ZNF177: variants seen among roughly 807,000 people sequenced by gnomAD.
The protein encoded by ZNF177 is zinc finger protein 177.
A neutral mutation model predicts 19.4 loss-of-function variants in ZNF177; 17 were observed. The ratio of observed to expected loss-of-function variants is 0.87; its 90% CI spans 0.60 to 1.31. ZNF177 has a LOEUF of 1.31. Ranked by LOEUF, ZNF177 falls within the 40% of genes most tolerant of loss-of-function variation. The probability of loss-of-function intolerance (pLI) is 0.00; values close to 1 mark genes in which losing one functional copy is unlikely to be tolerated. For synonymous variants in ZNF177, 220 were observed against 188.7 expected, an observed-to-expected ratio of 1.17 and a Z score of -1.36; for missense variants, 633 against 561.8, an observed-to-expected ratio of 1.13 and a Z score of -1.28.
At chr19:9,382,389 T>C, downstream of ZNF177, 2 of 398,810 alleles carry the variant, frequency 5.0e-6, no homozygotes, top group Non-Finnish European at 8.8e-6. Context: ...TCCTAGAAAA[T>C]ATATACACCA....
chr19:9,363,629 T>C (rs2067937165), intron 1 of ZNF177, among the ~76,000 whole-genome samples: 1 of 152,218 alleles, frequency 6.6e-6, no homozygotes, highest in African/African-American at 2.4e-5. Context: ...AAAGCATAAA[T>C]GAATGTGTAA....
At chr19:9,382,505 G>GA, downstream of ZNF177, 2 of 398,348 alleles carry the variant, frequency 5.0e-6, no homozygotes, top group Non-Finnish European at 8.9e-6. Context: ...TGTTACATGA[G>GA]AAAAATTAAC....
chr19:9,364,236 C>A (rs2067946383), intron 1 of ZNF177, among the ~76,000 whole-genome samples: 1 of 152,174 alleles, frequency 6.6e-6, no homozygotes. Context: ...CAACACTCTT[C>A]ATTTAAGAAT....
intron 3 of ZNF177, 31 bp downstream of exon 5, chr19:9,379,119 A>G: frequency 6.3e-7 from 1 of 1,575,864 alleles, no homozygotes; most frequent in Non-Finnish European, 8.6e-7. Flanking sequence ...TCATTTGTTT[A>G]TGTAGCAAAT....
intron 2 of ZNF177, among the ~76,000 whole-genome samples, chr19:9,368,518 G>A (rs1427055021): frequency 6.6e-6 from 1 of 152,106 alleles, no homozygotes; most frequent in East Asian, 1.9e-4. Context: ...CAAAGAACCA[G>A]TTTGTAGCTT....
rs1019610130 is a variant in ZNF177 at position 9,363,190 on chromosome 19, T to G, written c.-392+106T>G. ...TTGCCTGCAGCTTCCCGCCCCAGCC[T>G]CCGGCTATCGCGGCGTTTCTTCTCA... On this transcript the variant is annotated intron_variant, in intron 1 of 8. Coordinates refer to the ZNF177 transcript ENST00000343499. The G allele has an allele frequency of 2.6e-5, 4 of 152,324 alleles. 1 individual carries two copies. The highest frequency in any genetic ancestry group is 5.9e-5 in the Non-Finnish European group (4 of 68,138). The allele number at this position is 152,324 out of a possible 1,614,324, so 9.4% of individuals were successfully genotyped here. A position where few individuals can be genotyped will look rare whatever the true frequency, so the allele number is the denominator to read the frequency against.
exon 6 of ZNF177, chr19:9,381,214 TTTCAGTCTTCCC>T: frequency 6.2e-7 from 1 of 1,612,590 alleles, no homozygotes; most frequent in African/African-American, 1.3e-5. Context: ...AGCCTTCATT[TTTCAGTCTTCCC>T]TTAAGAAACA....
Position 9,380,149 on chromosome 19 carries a change from A to C in ZNF177, c.336+10A>C. The C allele has an allele frequency of 1.9e-6, 3 of 1,599,214 alleles. No homozygotes were observed. The highest frequency in any genetic ancestry group is 4.5e-5 in the East Asian group (2 of 44,328). On this transcript the variant is annotated intron_variant, in intron 5 of 5. Transcript: ENST00000589262. ...CAATGGCATAAACACGGTAAGACTT[A>C]CTAGGAAGTATTCCTGGTCTTTGTA...
chr19:9,375,347 C>T (rs1220302404), upstream of ZNF177, among the ~76,000 whole-genome samples: 6 of 152,144 alleles, frequency 3.9e-5, no homozygotes, highest in Middle Eastern at 3.2e-3. Flanking sequence ...ATGCTGACCT[C>T]ATAAAATGAG....
chr19:9,367,049 G>C (rs1300836478), intron 2 of ZNF177, among the ~76,000 whole-genome samples: 1 of 152,218 alleles, frequency 6.6e-6, no homozygotes, highest in Non-Finnish European at 1.5e-5. Context: ...GGCTGGGCGT[G>C]GTGGCTCACG....
In ZNF177 at chr19:9,364,493, C is replaced by CT. The variant is rs548204947; in HGVS notation, c.-391-364dup. On this transcript the variant is annotated intron_variant, in intron 1 of 8. Transcript: ENST00000343499. The stretch of plus-strand genomic sequence containing the variant: ...TGACAAGGGAATTAGTGGAATAACT[C>CT]TTTTTGTCGTGTCGGTGTCATGAGG... 3.9e-3 allele frequency among the ~76,000 whole-genome samples: 600 copies of CT among 152,168 alleles called. 5 individuals carry two copies. Among genetic ancestry groups the CT allele is most frequent in the African/African-American group, 0.014 (567 of 41,510 alleles).
chr19:9,378,724 C>A (rs573451835), intron 2 of ZNF177: 1 of 614,966 alleles, frequency 1.6e-6, no homozygotes, highest in Non-Finnish European at 2.5e-6. Context: ...TCAAGCCAAC[C>A]ATATTTTAGA....
At chr19:9,369,500 G>C (rs1049891044) in intron 2 of ZNF177, among the ~76,000 whole-genome samples, 2 of 152,006 alleles carry the variant, frequency 1.3e-5, no homozygotes, top group Non-Finnish European at 2.9e-5. Flanking sequence ...GGATTTTAGT[G>C]CATCTAATGA....
At chr19:9,379,708 G>A (rs1207859038) in intron 4 of ZNF177, 89 bp downstream of exon 6, 2 of 1,439,320 alleles carry the variant, frequency 1.4e-6, no homozygotes, top group East Asian at 2.4e-5. Context: ...AGAAATCTGA[G>A]GCCATGACAT....
At chr19:9,368,539 G>A (rs1229151061) in intron 2 of ZNF177, among the ~76,000 whole-genome samples, 1 of 152,042 alleles carries the variant, frequency 6.6e-6, no homozygotes, top group Admixed American at 6.5e-5. Flanking sequence ...GAGTGATACT[G>A]TTGTTTTCTA....
At chr19:9,371,220 C>T (rs187288997) in intron 2 of ZNF177, among the ~76,000 whole-genome samples, 44 of 152,258 alleles carry the variant, frequency 2.9e-4, no homozygotes, top group African/African-American at 1.1e-3. Context: ...TGATTGGCTA[C>T]AGAATATCTT....
At chr19:9,381,134 C>G in exon 6 of ZNF177, 1 of 1,614,090 alleles carries the variant, frequency 6.2e-7, no homozygotes, top group East Asian at 2.2e-5. Context: ...TTCACTGACC[C>G]TTTGTCCCTT....
At chr19:9,371,992 T>TA (rs2068052568), upstream of ZNF177, among the ~76,000 whole-genome samples, 1 of 152,228 alleles carries the variant, frequency 6.6e-6, no homozygotes, top group South Asian at 2.1e-4. Flanking sequence ...TCCAAAGTGT[T>TA]ATGCTTTTTA....
chr19:9,363,834 G>T (rs2067940206), intron 1 of ZNF177, among the ~76,000 whole-genome samples: 1 of 152,102 alleles, frequency 6.6e-6, no homozygotes, highest in Admixed American at 6.5e-5. Flanking sequence ...ACCCACTCCT[G>T]CCCTACAAAT....
Sources: gnomAD v4.1 joint callset for allele counts (sites outside exome capture counted in the v4.1 genomes callset) on GRCh38, gnomAD v4.1.1 for gene constraint, MANE v1.5 for transcripts, NCBI Gene and HGNC (gene_info 2026-07-23, HGNC 2026-07-21) for gene names.